Variants in AKT3 observed in about 807,000 individuals in gnomAD.
The protein encoded by AKT3 is AKT serine/threonine kinase 3.
Under a neutral mutation model 65.3 loss-of-function variants are expected in AKT3, and 15 were observed. The observed-to-expected ratio is 0.23, with a 90% CI of 0.15 to 0.35. The LOEUF is 0.35. AKT3 is among the 10% of genes least tolerant of loss of function. The pLI, the probability that AKT3 is intolerant of heterozygous loss-of-function variation, is 1.00. For synonymous variants in AKT3, 206 were observed against 183.8 expected (o/e 1.12, Z -0.98); for missense variants, 243 against 576.5 (o/e 0.42, Z 5.92).
intron 12 of AKT3, among the ~76,000 whole-genome samples, chr1:243,530,637 C>T (rs1263753328): frequency 2.6e-5 from 4 of 151,996 alleles, no homozygotes; most frequent in Non-Finnish European, 5.9e-5. Context: ...GCAAAGCAAC[C>T]CCAAAGCTAG....
At chr1:243,549,372 T>A (rs1672887446) in intron 11 of AKT3, among the ~76,000 whole-genome samples, 1 of 152,118 alleles carries the variant, frequency 6.6e-6, no homozygotes, top group South Asian at 2.1e-4. Flanking sequence ...ATAACCTCTA[T>A]CACTTGTGTA....
chr1:243,623,031 C>T (rs1352901970), intron 6 of AKT3, among the ~76,000 whole-genome samples: 1 of 152,222 alleles, frequency 6.6e-6, no homozygotes, highest in Non-Finnish European at 1.5e-5. Flanking sequence ...AGAACTGGCG[C>T]CGTTGGCCAA....
chr1:243,690,118 G>T (rs530110540), intron 3 of AKT3, among the ~76,000 whole-genome samples: 16 of 152,232 alleles, frequency 1.1e-4, no homozygotes, highest in African/African-American at 3.1e-4. Flanking sequence ...GAATAAGGTA[G>T]AATTCTAGGA....
chr1:243,491,157 G>A (rs963442273), intron 13 of AKT3, among the ~76,000 whole-genome samples: 3 of 152,192 alleles, frequency 2.0e-5, no homozygotes, highest in Non-Finnish European at 4.4e-5. Context: ...CCATCTGCCT[G>A]CTTTACAGCA....
intron 13 of AKT3, among the ~76,000 whole-genome samples, chr1:243,509,565 GGTCT>G (rs1311999379): frequency 1.3e-5 from 2 of 152,038 alleles, no homozygotes. Flanking sequence ...GATTTGCTCT[GGTCT>G]TTCTAGTCTC....
chr1:243,790,801 A>G (rs1437223924), intron 2 of AKT3, among the ~76,000 whole-genome samples: 1 of 152,170 alleles, frequency 6.6e-6, no homozygotes, highest in Non-Finnish European at 1.5e-5. Flanking sequence ...ACTAATTTCA[A>G]TATTGTTGTG....
chr1:243,787,141 T>C (rs1434949711), intron 2 of AKT3, among the ~76,000 whole-genome samples: 2 of 152,228 alleles, frequency 1.3e-5, no homozygotes, highest in Non-Finnish European at 2.9e-5. Flanking sequence ...GTAAGATCTT[T>C]GTAGCTAAAT....
chr1:243,613,590 A>G (rs111716912), intron 8 of AKT3, 81 bp downstream of exon 8: 1 of 1,135,242 alleles, frequency 8.8e-7, no homozygotes, highest in Admixed American at 2.3e-5. Context: ...GAACTGCTAT[A>G]TTGTAACTTG....
chr1:243,715,338 A>G (rs1012328571), intron 2 of AKT3, among the ~76,000 whole-genome samples: 1 of 152,128 alleles, frequency 6.6e-6, no homozygotes, highest in African/African-American at 2.4e-5. Flanking sequence ...GTATTGGGCC[A>G]TATGACCAAT....
intron 2 of AKT3, among the ~76,000 whole-genome samples, chr1:243,823,406 T>A (rs1693976162): frequency 6.6e-6 from 1 of 152,158 alleles, no homozygotes; most frequent in South Asian, 2.1e-4. Context: ...TTTAACATAG[T>A]ATTGGAAGTT....
intron 1 of AKT3, 92 bp downstream of exon 1, chr1:243,849,948 A>C (rs944534282): frequency 3.3e-6 from 3 of 900,164 alleles, no homozygotes; most frequent in Non-Finnish European, 4.0e-6. Flanking sequence ...CCCCCGCCTG[A>C]GGGAGGCAGG....
chr1:243,777,006 G>A (rs554959435), intron 2 of AKT3, among the ~76,000 whole-genome samples: 3 of 152,268 alleles, frequency 2.0e-5, no homozygotes, highest in East Asian at 1.9e-4. Flanking sequence ...AGTGTTACCC[G>A]AGTGGGTTAA....
In AKT3 at chr1:243,576,101, A is replaced by T. The variant is rs1481288963; in HGVS notation, c.697-3053T>A. On this transcript the variant is annotated intron_variant, in intron 8 of 13. Coordinates refer to ENST00000673466, the MANE Select transcript of AKT3 (RefSeq NM_005465.7). ...TCCACATATGCAAATCAATGAATGT[A>T]ATTCATAATATAAACAGAACTAAAC... 2.0e-5 allele frequency among the ~76,000 whole-genome samples: 3 copies of T among 152,186 alleles called. No individual in the cohort carries two copies. In the East Asian group the frequency reaches 5.8e-4, roughly 29 times the overall value.
At chr1:243,610,903 G>A (rs2148597287) in intron 8 of AKT3, among the ~76,000 whole-genome samples, 1 of 152,298 alleles carries the variant, frequency 6.6e-6, no homozygotes, top group African/African-American at 2.4e-5. Context: ...TGGATATAGA[G>A]ATTCCACTGC....
downstream of AKT3, among the ~76,000 whole-genome samples, chr1:243,496,280 C>T (rs979575340): frequency 3.3e-5 from 5 of 152,162 alleles, no homozygotes; most frequent in Non-Finnish European, 7.3e-5. Flanking sequence ...CGGGCGGAGC[C>T]GGGCCTGGCT....
intron 12 of AKT3, 90 bp from the exon 13 acceptor site, chr1:243,512,516 T>C (rs1035955002): frequency 1.3e-6 from 1 of 778,752 alleles, no homozygotes; most frequent in African/African-American, 1.8e-5. Context: ...CGTAGTTAAA[T>C]GAACAGAACA....
At position 243,660,556 on chromosome 1, in the gene AKT3, T is replaced by C. The variant is rs573053478; in HGVS notation, c.284+4216A>G. Reference sequence around the variant, plus strand: ...CAATAAATTAGGTATTGATGGGATGTATCTCAAAATAATAAGAGCTATCTA... The same window carrying C: ...CAATAAATTAGGTATTGATGGGATGCATCTCAAAATAATAAGAGCTATCTA... On this transcript the variant is annotated intron_variant, in intron 4 of 13. Transcript: ENST00000673466. Among the ~76,000 whole-genome samples, 58 of 152,350 alleles carry C rather than the reference T, an allele frequency of 3.8e-4. 1 individual carries two copies. The highest frequency in any genetic ancestry group is 1.3e-3 in the African/African-American group (54 of 41,578).
At chr1:243,806,924 T>A (rs759213916) in intron 2 of AKT3, among the ~76,000 whole-genome samples, 42 of 152,158 alleles carry the variant, frequency 2.8e-4, no homozygotes, top group Non-Finnish European at 5.1e-4. Context: ...ATGGATTACA[T>A]ATGGCCATTA....
chr1:243,762,885 T>C (rs538410830), intron 2 of AKT3, among the ~76,000 whole-genome samples: 9 of 152,182 alleles, frequency 5.9e-5, no homozygotes, highest in Admixed American at 1.3e-4. Context: ...GACAGACTTA[T>C]CTGAGTAGAA....
Sources: allele counts gnomAD v4.1 joint callset (sites outside exome capture counted in the v4.1 genomes callset), GRCh38; gene constraint gnomAD v4.1.1; transcripts MANE v1.5; gene names NCBI Gene and HGNC (gene_info 2026-07-23, HGNC 2026-07-21).